The following C12orf43 variants were observed in gnomAD, a reference collection of about 807,000 sequenced individuals.
The protein encoded by C12orf43 is chromosome 12 open reading frame 43.
A neutral mutation model predicts 20.6 loss-of-function variants in C12orf43; 15 were observed. That is an observed-to-expected ratio of 0.73 (90% CI 0.49 to 1.12). C12orf43 has a LOEUF of 1.12. Ranked by LOEUF, C12orf43 falls within the 50% of genes most tolerant of loss-of-function variation. The pLI, the probability that C12orf43 is intolerant of heterozygous loss-of-function variation, is 0.00. For missense variants in C12orf43, 334 were observed against 344.4 expected (o/e 0.97, Z 0.24); for synonymous variants, 144 against 130.8 (o/e 1.10, Z -0.69).
In C12orf43 at chr12:121,001,140, A is replaced by G; in HGVS notation, c.*3013T>C. On this transcript the variant is annotated 3_prime_UTR_variant, in exon 6 of 6. Coordinates refer to ENST00000288757, the MANE Select transcript of C12orf43 (RefSeq NM_022895.3). ...CAGAGCCACCTGCTGCCATCCAACC[A>G]CAGCGTCATCGAGACCTTCATCTCC... is the stretch of plus-strand genomic sequence containing the variant. 1 of 1,614,098 alleles carries G rather than the reference A, an allele frequency of 6.2e-7. No homozygotes were observed. The highest frequency in any genetic ancestry group is 8.5e-7 in the Non-Finnish European group (1 of 1,180,008).
chr12:121,014,286 C>T (rs542454620), intron 1 of C12orf43, among the ~76,000 whole-genome samples: 5 of 151,644 alleles, frequency 3.3e-5, no homozygotes, highest in South Asian at 4.2e-4. Context: ...GAGCCAAGAT[C>T]GCGCCATTGC....
At position 121,001,151 on chromosome 12, in the gene C12orf43, G is replaced by A. The variant is rs1316999782; in HGVS notation, c.*3002C>T. On this transcript the variant is annotated 3_prime_UTR_variant, in exon 6 of 6. Transcript: ENST00000288757. ...GCTGCCATCCAACCACAGCGTCATC[G>A]AGACCTTCATCTCCACCCAGATGGC... The A allele has an allele frequency of 2.5e-6, 4 of 1,613,970 alleles. No individual in the cohort carries two copies. Among genetic ancestry groups the A allele is most frequent in the Non-Finnish European group, 3.4e-6 (4 of 1,180,004 alleles).
Position 121,001,877 on chromosome 12 carries a change from A to C in C12orf43, c.*2276T>G. ...CCCATCCCCAGCGATTCCCTCTCCC[A>C]GGCCCCATGACCTCCAGCTTTCCTG... On this transcript the variant is annotated 3_prime_UTR_variant, in exon 6 of 6. Transcript: ENST00000288757. 1 of 517,226 alleles carries C rather than the reference A, an allele frequency of 1.9e-6. No homozygotes were observed. Among genetic ancestry groups the C allele is most frequent in the Non-Finnish European group, 3.8e-6 (1 of 266,302 alleles). The allele number at this position is 517,226 out of a possible 1,614,324, so 32.0% of individuals were successfully genotyped here.
chr12:121,006,251 G>A, intron 4 of C12orf43, 70 bp downstream of exon 4: 1 of 1,215,858 alleles, frequency 8.2e-7, no homozygotes, highest in South Asian at 1.3e-5. Flanking sequence ...TACCAAAACT[G>A]TTTCGCCCAC....
At chr12:121,012,590 C>A (rs1470817565) in intron 1 of C12orf43, 1 of 639,966 alleles carries the variant, frequency 1.6e-6, no homozygotes, top group Non-Finnish European at 2.9e-6. Context: ...CGGTGGCTCA[C>A]GCCTGTAATC....
intron 1 of C12orf43, among the ~76,000 whole-genome samples, chr12:121,011,389 T>TTATA (rs201526291): frequency 1.4e-5 from 2 of 146,892 alleles, no homozygotes; most frequent in Non-Finnish European, 3.0e-5. Flanking sequence ...TGTAAGTACA[T>TTATA]TATATATATA....
At position 121,004,124 on chromosome 12, in the gene C12orf43, C is replaced by A. The variant is rs1417867420; in HGVS notation, c.*29G>T. 2 of 1,609,540 alleles carry A rather than the reference C, an allele frequency of 1.2e-6. No individual in the cohort carries two copies. Among genetic ancestry groups the A allele is most frequent in the South Asian group, 1.1e-5 (1 of 91,012 alleles). On this transcript the variant is annotated 3_prime_UTR_variant, in exon 6 of 6. Coordinates refer to ENST00000288757, the MANE Select transcript of C12orf43 (RefSeq NM_022895.3). This position sits in a 1 kb window ranked among gnomAD's most constrained non-coding sequence, Gnocchi z 5.6. ...TGGGGGGGACACCTTGTCCTTGGAGCTGGCTGAGCCCTGTGCCCATGGCTG... is the reference window on the plus strand; with the variant it reads ...TGGGGGGGACACCTTGTCCTTGGAGATGGCTGAGCCCTGTGCCCATGGCTG...
Position 121,001,720 on chromosome 12 carries a change from T to C in C12orf43, c.*2433A>G. 1.9e-6 allele frequency: 1 copy of C among 514,208 alleles called. No individual in the cohort carries two copies. The highest frequency in any genetic ancestry group is 2.4e-5 in the Admixed American group (1 of 41,168). 31.9% of individuals were successfully genotyped at this position (514,208 alleles called of 1,614,324 possible). On this transcript the variant is annotated 3_prime_UTR_variant, in exon 6 of 6. Coordinates refer to ENST00000288757, the MANE Select transcript of C12orf43 (RefSeq NM_022895.3). ...TTCCAGCTAGTGACCCACATGCCATTTGTACTGACCCCATCACCTACTCAC... is the reference window on the plus strand; with the variant it reads ...TTCCAGCTAGTGACCCACATGCCATCTGTACTGACCCCATCACCTACTCAC...
rs763342589 is a variant in C12orf43, at chr12:121,005,013, A to C, written c.442T>G (p.Ser148Ala). ...GGTGTGAGTTCTCACCTGGAGCTGG[A>C]GGGCTGTCGCTTTCGGCGGGGTTGG... ...SPQPRRKRQP[S>A]SSSEDSDEEW... Residue 148 changes from serine to alanine, a missense_variant, in exon 5 of 6, where the codon TCC becomes GCC. Physicochemically the swap from Ser to Ala is moderately conservative, Grantham distance 99. Coordinates refer to ENST00000288757, the MANE Select transcript of C12orf43 (RefSeq NM_022895.3). This position sits in a 1 kb window ranked among gnomAD's most constrained non-coding sequence, Gnocchi z 5.6. The C allele has an allele frequency of 6.5e-7, 1 of 1,540,358 alleles. No individual in the cohort carries two copies. Among genetic ancestry groups the C allele is most frequent in the Non-Finnish European group, 8.7e-7 (1 of 1,144,302 alleles).
chr12:121,001,591 G>A lies in C12orf43; in HGVS notation c.*2562C>T, dbSNP rs1877489070. The stretch of plus-strand genomic sequence containing the variant: ...GGCAGCCACACTTCTCAGGACACAG[G>A]CCTGTGTAGCTGTGACCTGCTGAGC... On this transcript the variant is annotated 3_prime_UTR_variant, in exon 6 of 6. Transcript: ENST00000288757. 7 of 441,042 alleles carry A rather than the reference G, an allele frequency of 1.6e-5. No homozygotes were observed. The highest frequency in any genetic ancestry group is 3.0e-5 in the Non-Finnish European group (7 of 231,778). The allele number at this position is 441,042 out of a possible 1,614,324, so 27.3% of individuals were successfully genotyped here.
intron 3 of C12orf43, among the ~76,000 whole-genome samples, chr12:121,007,534 C>T (rs575882750): frequency 3.3e-5 from 5 of 152,350 alleles, no homozygotes; most frequent in South Asian, 2.1e-4. Flanking sequence ...TTGTGGCACA[C>T]GGCCTAGCCA....
intron 1 of C12orf43, among the ~76,000 whole-genome samples, chr12:121,015,228 C>T (rs1592925216): frequency 6.6e-6 from 1 of 152,104 alleles, no homozygotes; most frequent in East Asian, 1.9e-4. Context: ...GTAAATAGAA[C>T]TTGCAGAGAA....
chr12:121,000,578 C>T lies in C12orf43; in HGVS notation c.*3575G>A, dbSNP rs1877388024. The stretch of plus-strand genomic sequence containing the variant: ...GGCCTGAAATCTGTTGCTGGCAGCT[C>T]TGGGGAGTGAATTCTGCAGCCTTGA... On this transcript the variant is annotated 3_prime_UTR_variant, in exon 6 of 6. Transcript: ENST00000288757. 8.9e-6 allele frequency: 2 copies of T among 224,042 alleles called. No homozygotes were observed. The highest frequency in any genetic ancestry group is 5.2e-5 in the Admixed American group (1 of 19,134). 13.9% of individuals were successfully genotyped at this position (224,042 alleles called of 1,614,324 possible).
Position 121,002,648 on chromosome 12 carries a change from C to G in C12orf43, c.*1505G>C, listed in dbSNP as rs1314631723. 1.1e-5 allele frequency: 4 copies of G among 355,606 alleles called. No homozygotes were observed. The highest frequency in any genetic ancestry group is 1.7e-5 in the Non-Finnish European group (3 of 181,422). The allele number at this position is 355,606 out of a possible 1,614,324, so 22.0% of individuals were successfully genotyped here. On this transcript the variant is annotated 3_prime_UTR_variant, in exon 6 of 6. Coordinates refer to ENST00000288757, the MANE Select transcript of C12orf43 (RefSeq NM_022895.3). The stretch of plus-strand genomic sequence containing the variant: ...ACCCCACATCTCTGCTTTTCTTGCT[C>G]TGCTGAGACTCTAATGACAAAGCCA...
intron 3 of C12orf43, 44 bp downstream of exon 3, chr12:121,010,784 C>G (rs1878391361): frequency 4.7e-6 from 7 of 1,481,672 alleles, no homozygotes; most frequent in African/African-American, 1.4e-5. Flanking sequence ...CATTGCTGTT[C>G]ATATTAACAA....
intron 3 of C12orf43, among the ~76,000 whole-genome samples, chr12:121,010,564 CA>C (rs1415290290): frequency 6.6e-6 from 1 of 152,190 alleles, no homozygotes; most frequent in Non-Finnish European, 1.5e-5. Flanking sequence ...AGCCTGGCCA[CA>C]AACAGTTGCT....
chr12:121,012,916 G>A (rs998040115), intron 1 of C12orf43, among the ~76,000 whole-genome samples: 1 of 150,494 alleles, frequency 6.6e-6, no homozygotes, highest in Non-Finnish European at 1.5e-5. Flanking sequence ...ACTACAGGGC[G>A]TGAGAAATGA....
In C12orf43 at chr12:121,001,265, G is replaced by A; in HGVS notation, c.*2888C>T. On this transcript the variant is annotated 3_prime_UTR_variant, in exon 6 of 6. Coordinates refer to ENST00000288757, the MANE Select transcript of C12orf43 (RefSeq NM_022895.3). ...TGAGGGCAGCAGCCAGCCCTGCCTG[G>A]AGGACCTGAGCCTGCCGAGCAACCG... is the stretch of plus-strand genomic sequence containing the variant. 1.9e-6 allele frequency: 3 copies of A among 1,575,520 alleles called. No individual in the cohort carries two copies. Among genetic ancestry groups the A allele is most frequent in the Non-Finnish European group, 2.6e-6 (3 of 1,155,894 alleles).
Position 121,004,424 on chromosome 12 carries a change from T to C in C12orf43, c.518A>G (p.Gln173Arg), listed in dbSNP as rs754452442. Residue 173 changes from glutamine (Q) to arginine (R), a missense_variant, in exon 6 of 6, where the codon CAG becomes CGG. Coordinates refer to ENST00000288757, the MANE Select transcript of C12orf43 (RefSeq NM_022895.3). This position sits in a 1 kb window ranked among gnomAD's most constrained non-coding sequence, Gnocchi z 5.6. ...EAAVSASDIL[Q>R]ESAIHSPGTV... ...TCCAGGGCTGTGGATGGCTGACTCC[T>C]GTAGGATGTCGGACGCCGACACAGC... 3.1e-6 allele frequency: 5 copies of C among 1,613,664 alleles called. No individual in the cohort carries two copies. Among genetic ancestry groups the C allele is most frequent in the African/African-American group, 2.7e-5 (2 of 74,908 alleles).
Sources: allele counts gnomAD v4.1 joint callset (sites outside exome capture counted in the v4.1 genomes callset), GRCh38; gene constraint gnomAD v4.1.1; non-coding constraint Gnocchi (gnomAD v3.1); transcripts MANE v1.5; gene names NCBI Gene and HGNC (gene_info 2026-07-23, HGNC 2026-07-21).